The following ACVR1B variants were observed in gnomAD, a reference collection of about 807,000 sequenced individuals.
ACVR1B encodes activin receptor type-1B.
A neutral mutation model predicts 55.6 loss-of-function variants in ACVR1B; 15 were observed. The observed-to-expected ratio is 0.27, with a 90% CI of 0.18 to 0.42. The LOEUF (loss-of-function observed/expected upper bound fraction) is 0.42, where lower values mean the gene tolerates loss of function less well. Among genes scored for constraint, ACVR1B ranks in the 10% least tolerant of loss-of-function variants. The pLI is 1.00. For synonymous variants in ACVR1B, 247 were observed against 254.6 expected (o/e 0.97, Z 0.28); for missense variants, 359 against 670.1 (o/e 0.54, Z 5.13).
At position 51,951,849 on chromosome 12, in the gene ACVR1B, G is replaced by A. The variant is rs762056742; in HGVS notation, c.91+15G>A. 2 of 1,257,586 alleles carry A rather than the reference G, an allele frequency of 1.6e-6. No individual in the cohort carries two copies. The highest frequency in any genetic ancestry group is 2.0e-6 in the Non-Finnish European group (2 of 991,072). The allele number at this position is 1,257,586 out of a possible 1,614,324, so 77.9% of individuals were successfully genotyped here. On this transcript the variant is annotated intron_variant, in intron 1 of 8. Coordinates refer to ENST00000257963, the MANE Select transcript of ACVR1B (RefSeq NM_004302.5). ...GGGGGTCCAGGGTGAGTCCTGGGAC[G>A]GGGGGCGGGGGCCGGGATGGAGAGG...
At chr12:51,957,439 G>A (rs1431508890) in intron 1 of ACVR1B, among the ~76,000 whole-genome samples, 2 of 102,664 alleles carry the variant, frequency 1.9e-5, no homozygotes, top group South Asian at 2.8e-4. Context: ...GTGAGACTCC[G>A]TCAAAAAAAA....
intron 1 of ACVR1B, among the ~76,000 whole-genome samples, chr12:51,954,109 C>T (rs1335599028): frequency 6.6e-6 from 1 of 152,130 alleles, no homozygotes; most frequent in African/African-American, 2.4e-5. Flanking sequence ...TTTCCCCTCC[C>T]CTGCATTTCC....
At chr12:51,982,784 A>G (rs1165622585) in intron 4 of ACVR1B, 2 of 1,529,180 alleles carry the variant, frequency 1.3e-6, no homozygotes, top group Non-Finnish European at 1.7e-6. Flanking sequence ...AGGAAGGGGA[A>G]GAGCAAGATT....
chr12:51,963,256 T>C (rs1274708531), intron 1 of ACVR1B, among the ~76,000 whole-genome samples: 3 of 152,108 alleles, frequency 2.0e-5, no homozygotes, highest in East Asian at 1.9e-4. Flanking sequence ...GTATTTATTT[T>C]TTTTTTGAGA....
intron 1 of ACVR1B, among the ~76,000 whole-genome samples, chr12:51,959,216 A>G (rs919197667): frequency 1.3e-5 from 2 of 152,232 alleles, no homozygotes; most frequent in Admixed American, 6.5e-5. Context: ...ACCTTTAGCC[A>G]TCTAAAGGAG....
At chr12:51,993,020 CAA>C (rs1263045825) in intron 8 of ACVR1B, among the ~76,000 whole-genome samples, 1 of 152,174 alleles carries the variant, frequency 6.6e-6, no homozygotes, top group Admixed American at 6.5e-5. Context: ...GTGTGATTGA[CAA>C]ATGAAATTGT....
At chr12:51,977,109 C>T (rs1475558546) in intron 3 of ACVR1B, among the ~76,000 whole-genome samples, 2 of 152,138 alleles carry the variant, frequency 1.3e-5, no homozygotes, top group Non-Finnish European at 2.9e-5. Flanking sequence ...ATAGCATCAG[C>T]ACTATTTCCT....
At position 51,958,952 on chromosome 12, in the gene ACVR1B, G is replaced by A. The variant is rs1941463682; in HGVS notation, c.91+7118G>A. Among the ~76,000 whole-genome samples, 3 of 152,192 alleles carry A rather than the reference G, an allele frequency of 2.0e-5. No homozygotes were observed. In the South Asian group the frequency reaches 6.2e-4, roughly 31 times the overall value. ...TTTATTGAGCACCTGTCATATACTA[G>A]GCATTGTTGCAGGTGTTAGGGATAC... On this transcript the variant is annotated intron_variant, in intron 1 of 8. Coordinates refer to ENST00000257963, the MANE Select transcript of ACVR1B (RefSeq NM_004302.5).
intron 1 of ACVR1B, chr12:51,953,612 G>A: frequency 1.7e-5 from 12 of 704,308 alleles, no homozygotes; most frequent in Non-Finnish European, 2.1e-5. Flanking sequence ...AAAAAAAAGG[G>A]AGATTGAACC....
At chr12:51,991,107 AG>A (rs1942184560) in intron 7 of ACVR1B, among the ~76,000 whole-genome samples, 2 of 152,218 alleles carry the variant, frequency 1.3e-5, no homozygotes, top group Non-Finnish European at 2.9e-5. Context: ...TAGTTGGAAT[AG>A]GAGAGGCAGA....
At chr12:51,987,904 T>G (rs1329851347) in intron 7 of ACVR1B, 1 of 152,256 alleles carries the variant, frequency 6.6e-6, no homozygotes, top group Non-Finnish European at 1.5e-5. Context: ...CCATTTTCCC[T>G]GATGTGATTA....
At chr12:51,978,539 G>A (rs1013370004) in intron 3 of ACVR1B, among the ~76,000 whole-genome samples, 1 of 152,248 alleles carries the variant, frequency 6.6e-6, no homozygotes, top group East Asian at 1.9e-4. Flanking sequence ...ATTAGAAAGA[G>A]CCTGACCCGG....
In ACVR1B at chr12:51,985,979, G is replaced by C. The variant is rs565033742; in HGVS notation, c.1136+631G>C. On this transcript the variant is annotated intron_variant, in intron 6 of 8. Transcript: ENST00000257963. ...TCCCCTGATTTATTGTGGGGGCTGG[G>C]GTGGCTGGAATCATAGTAATTACTC... Among the ~76,000 whole-genome samples, 7 of 152,202 alleles carry C rather than the reference G, an allele frequency of 4.6e-5. No homozygotes were observed. In the South Asian group the frequency reaches 1.5e-3, roughly 32 times the overall value.
At position 51,993,746 on chromosome 12, in the gene ACVR1B, G is replaced by A. The variant is rs572463150; in HGVS notation, c.1393-239G>A. On this transcript the variant is annotated intron_variant, in intron 8 of 8. Transcript: ENST00000257963. ...TGCGCCACTGCACTCCAGCCTGGGT[G>A]ACAGAGTGAGACTCCTTCTAAAAAA... is the stretch of plus-strand genomic sequence containing the variant. Among the ~76,000 whole-genome samples, 371 of 118,646 alleles carry A rather than the reference G, an allele frequency of 3.1e-3. 1 individual carries two copies. The highest frequency in any genetic ancestry group is 3.5e-3 in the Admixed American group (30 of 8,542). 77.8% of individuals were successfully genotyped at this position (118,646 alleles called of 152,430 possible). A position where few individuals can be genotyped will look rare whatever the true frequency, so the allele number is the denominator to read the frequency against.
At chr12:51,975,185 G>A in intron 1 of ACVR1B, 80 bp from the exon 2 acceptor site, 3 of 1,546,696 alleles carry the variant, frequency 1.9e-6, no homozygotes, top group Non-Finnish European at 8.7e-7. Flanking sequence ...GTATGCTAAG[G>A]GATTATATTC....
intron 7 of ACVR1B, among the ~76,000 whole-genome samples, chr12:51,991,027 C>T (rs2641530): frequency 0.59 from 88,973 of 151,984 alleles, 28,559 homozygotes; most frequent in South Asian, 0.73. Flanking sequence ...GTTAACGTGC[C>T]GTGGTGATAT....
chr12:51,952,330 T>A (rs1259343409), intron 1 of ACVR1B, among the ~76,000 whole-genome samples: 2 of 152,146 alleles, frequency 1.3e-5, no homozygotes, highest in Admixed American at 6.5e-5. Context: ...CACCTCAGAC[T>A]GTAGGGGAAG....
At chr12:51,967,259 A>G (rs1046525903) in intron 1 of ACVR1B, among the ~76,000 whole-genome samples, 1 of 150,072 alleles carries the variant, frequency 6.7e-6, no homozygotes, top group Non-Finnish European at 1.5e-5. Flanking sequence ...CCAAACAAAC[A>G]AACAAATAAA....
At chr12:51,952,728 G>A (rs1941326874) in intron 1 of ACVR1B, among the ~76,000 whole-genome samples, 1 of 152,196 alleles carries the variant, frequency 6.6e-6, no homozygotes, top group South Asian at 2.1e-4. Flanking sequence ...AAACCCCCAA[G>A]ATTATTTAAA....
Sources: allele counts gnomAD v4.1 joint callset (sites outside exome capture counted in the v4.1 genomes callset), GRCh38; gene constraint gnomAD v4.1.1; transcripts MANE v1.5; gene names NCBI Gene and HGNC (gene_info 2026-07-23, HGNC 2026-07-21).